Variants in SLC9A1 observed in about 807,000 individuals in gnomAD.
SLC9A1 encodes the protein solute carrier family 9 member A1.
In SLC9A1, 22 loss-of-function variants were observed where a neutral mutation model predicts 67.9. The observed-to-expected ratio is 0.32, with a 90% CI of 0.23 to 0.46. SLC9A1 has a LOEUF of 0.46. SLC9A1 is among the 20% of genes least tolerant of loss of function. SLC9A1 has a pLI of 1.00. For synonymous variants in SLC9A1, 421 were observed against 471.8 expected (o/e 0.89, Z 1.40); for missense variants, 686 against 1,094.8 (o/e 0.63, Z 5.27).
chr1:27,104,855 T>C (rs1250447952), intron 5 of SLC9A1, among the ~76,000 whole-genome samples: 5 of 152,192 alleles, frequency 3.3e-5, no homozygotes, highest in African/African-American at 9.7e-5. Flanking sequence ...GAGTGTTTCT[T>C]ATTTGCCCAA....
At position 27,109,693 on chromosome 1, in the gene SLC9A1, CGAA is replaced by C. The variant is rs760438825; in HGVS notation, c.895_897del (p.Phe299del). On this transcript the variant is annotated inframe_deletion, in exon 3 of 12. Transcript: ENST00000263980. This position sits in a 1 kb window ranked among gnomAD's most constrained non-coding sequence, Gnocchi z 5.5. ...ACAAGCACCCCGCCCAGGGCCACCA[CGAA>C]GAAGCTCAGGAAGCCGAGGAAGATG... The C allele has an allele frequency of 8.7e-6, 14 of 1,614,004 alleles. No homozygotes were observed. Among genetic ancestry groups the C allele is most frequent in the East Asian group, 2.2e-5 (1 of 44,868 alleles).
rs745750939 is a variant in SLC9A1 at position 27,109,591 on chromosome 1, C to T, written c.1000G>A (p.Val334Ile). The T allele has an allele frequency of 2.5e-6, 4 of 1,613,842 alleles. No homozygotes were observed. Among genetic ancestry groups the T allele is most frequent in the Non-Finnish European group, 1.7e-6 (2 of 1,179,996 alleles). ...SHIRVIEPLF[V>I]FLYSYMAYLS... ...TAGGCCATGTAGCTGTAGAGGAAGA[C>T]GAAGAGCGGCTCGATGACCCGGATG... The change falls in exon 3 of 12, where the codon GTC becomes ATC. Residue 334 changes from valine (V) to isoleucine (I), a missense_variant. Transcript: ENST00000263980. This position sits in a 1 kb window ranked among gnomAD's most constrained non-coding sequence, Gnocchi z 5.5.
Position 27,100,454 on chromosome 1 carries a change from C to G in SLC9A1, c.2301G>C (p.Lys767Asn). Residue 767 changes from lysine to asparagine, a missense_variant, in exon 12 of 12, where the codon AAG becomes AAC. Transcript: ENST00000263980. This position sits in a 1 kb window ranked among gnomAD's most constrained non-coding sequence, Gnocchi z 5.6. ...DDDGGIMMRS[K>N]ETSSPGTDDV... ...CGTCGGTTCCTGGGGACGAAGTCTCCTTGCTCCGCATCATGATGCCCCCAT... is the reference window on the plus strand; with the variant it reads ...CGTCGGTTCCTGGGGACGAAGTCTCGTTGCTCCGCATCATGATGCCCCCAT... 6.2e-7 allele frequency: 1 copy of G among 1,613,986 alleles called. No homozygotes were observed. Among genetic ancestry groups the G allele is most frequent in the African/African-American group, 1.3e-5 (1 of 75,052 alleles).
intron 1 of SLC9A1, among the ~76,000 whole-genome samples, chr1:27,120,386 A>G (rs1022661273): frequency 2.7e-5 from 4 of 150,736 alleles, no homozygotes; most frequent in Non-Finnish European, 5.9e-5. Flanking sequence ...TTAGCCTCCC[A>G]AAGTGCTGAG....
intron 1 of SLC9A1, among the ~76,000 whole-genome samples, chr1:27,127,745 C>G (rs530375466): frequency 5.9e-5 from 9 of 152,312 alleles, no homozygotes; most frequent in African/African-American, 2.2e-4. Flanking sequence ...AGTCTCAGCT[C>G]CAGGGACAGC....
At chr1:27,125,237 C>CTTTTTTTTT (rs71010327) in intron 1 of SLC9A1, among the ~76,000 whole-genome samples, 18 of 86,880 alleles carry the variant, frequency 2.1e-4, no homozygotes, top group African/African-American at 5.3e-4. Context: ...CCTTTTCTTT[C>CTTTTTTTTT]TTTTTTTTTT....
At chr1:27,144,381 C>G (rs1007900590) in intron 1 of SLC9A1, among the ~76,000 whole-genome samples, 2 of 152,210 alleles carry the variant, frequency 1.3e-5, no homozygotes, top group Non-Finnish European at 2.9e-5. Flanking sequence ...AGACCCCACC[C>G]GGCCCAGAGA....
chr1:27,126,179 C>T (rs951241597), intron 1 of SLC9A1, among the ~76,000 whole-genome samples: 3 of 152,136 alleles, frequency 2.0e-5, no homozygotes, highest in African/African-American at 7.2e-5. Context: ...CCTCTCTATC[C>T]GCTTACCCTT....
Position 27,103,278 on chromosome 1 carries a change from G to A in SLC9A1, c.1520C>T (p.Ala507Val). 1 of 1,613,912 alleles carries A rather than the reference G, an allele frequency of 6.2e-7. No individual in the cohort carries two copies. The highest frequency in any genetic ancestry group is 8.5e-7 in the Non-Finnish European group (1 of 1,179,912). Residue 507 changes from alanine (A) to valine (V), a missense_variant, in exon 6 of 12, where the codon GCT becomes GTT. This residue lies in a region of SLC9A1 where 168 missense variants were observed against 375.4 expected (regional missense o/e 0.45). Transcript: ENST00000263980. ...CTTCGTCTCTTGCTTTTTCTTCACA[G>A]CCAACAGGTCTACCAGGGGCCGAAT... ...MTIRPLVDLL[A>V]VKKKQETKRS...
chr1:27,108,524 A>T (rs2083205830), intron 3 of SLC9A1, among the ~76,000 whole-genome samples: 1 of 152,146 alleles, frequency 6.6e-6, no homozygotes, highest in Non-Finnish European at 1.5e-5. Context: ...CTAAAAATAC[A>T]AAAATTAGCC....
At chr1:27,130,990 G>C (rs1373814525) in intron 1 of SLC9A1, among the ~76,000 whole-genome samples, 1 of 152,242 alleles carries the variant, frequency 6.6e-6, no homozygotes, top group East Asian at 1.9e-4. Flanking sequence ...CCATGCCCAG[G>C]AAGGAGATAA....
chr1:27,131,741 G>A (rs1197392920), intron 1 of SLC9A1, among the ~76,000 whole-genome samples: 3 of 114,610 alleles, frequency 2.6e-5, no homozygotes, highest in African/African-American at 1.0e-4. Context: ...ATGAGACTCT[G>A]TCTCAAAAAA....
chr1:27,109,802 G>A lies in SLC9A1; in HGVS notation c.814-25C>T, dbSNP rs749001727. On this transcript the variant is annotated intron_variant, in intron 2 of 11. Coordinates refer to ENST00000263980, the MANE Select transcript of SLC9A1 (RefSeq NM_003047.5). This position sits in a 1 kb window ranked among gnomAD's most constrained non-coding sequence, Gnocchi z 5.5. ...CCTGGGGAGGGTGTGCAGGCTGGTGGGTGGGAGGAGAGGGCCCTGGCCCCA... is the reference window on the plus strand; with the variant it reads ...CCTGGGGAGGGTGTGCAGGCTGGTGAGTGGGAGGAGAGGGCCCTGGCCCCA... 20 of 1,611,956 alleles carry A rather than the reference G, an allele frequency of 1.2e-5. No homozygotes were observed. The highest frequency in any genetic ancestry group is 1.7e-5 in the Non-Finnish European group (20 of 1,179,222).
In SLC9A1 at chr1:27,106,723, C is replaced by T. The variant is rs1199840851; in HGVS notation, c.1283-636G>A. Among the ~76,000 whole-genome samples, 1 of 152,036 alleles carries T rather than the reference C, an allele frequency of 6.6e-6. No homozygotes were observed. The highest frequency in any genetic ancestry group is 1.5e-5 in the Non-Finnish European group (1 of 67,986). ...CCATGCACCTGGGGCCTGGTCCCCA[C>T]GTGTGCCCCGGCCTGCTGCATAGGT... On this transcript the variant is annotated intron_variant, in intron 4 of 11. Transcript: ENST00000263980. This position sits in a 1 kb window ranked among gnomAD's most constrained non-coding sequence, Gnocchi z 4.3.
intron 1 of SLC9A1, among the ~76,000 whole-genome samples, chr1:27,131,307 T>C (rs2083382545): frequency 6.6e-6 from 1 of 151,980 alleles, no homozygotes; most frequent in Non-Finnish European, 1.5e-5. Context: ...ATAATAATGA[T>C]AGTGGCTGGG....
chr1:27,111,529 C>A (rs1217815630), intron 2 of SLC9A1, among the ~76,000 whole-genome samples: 1 of 152,196 alleles, frequency 6.6e-6, no homozygotes, highest in African/African-American at 2.4e-5. Context: ...GACACAGTGG[C>A]TCACGCCTGT....
At chr1:27,117,612 G>T (rs2083279989) in intron 1 of SLC9A1, among the ~76,000 whole-genome samples, 1 of 152,198 alleles carries the variant, frequency 6.6e-6, no homozygotes, top group East Asian at 1.9e-4. Flanking sequence ...GCAACATGAA[G>T]ACGGCTCCTC....
intron 2 of SLC9A1, 85 bp downstream of exon 2, chr1:27,113,741 T>C (rs1167993128): frequency 3.0e-6 from 3 of 1,008,964 alleles, no homozygotes; most frequent in Non-Finnish European, 4.5e-6. Context: ...ATTACTGTTA[T>C]TAGCGGGTGG....
chr1:27,148,533 C>G (rs371019932), intron 1 of SLC9A1, among the ~76,000 whole-genome samples: 63 of 152,060 alleles, frequency 4.1e-4, no homozygotes, highest in African/African-American at 1.4e-3. Context: ...GAGAGTTTGG[C>G]CTTGAGTGAT....
Sources: gnomAD v4.1 joint callset for allele counts (sites outside exome capture counted in the v4.1 genomes callset) on GRCh38, gnomAD v4.1.1 for gene constraint, gnomAD v4.1.1 regional missense constraint, Gnocchi (gnomAD v3.1) non-coding constraint, MANE v1.5 for transcripts, NCBI Gene and HGNC (gene_info 2026-07-23, HGNC 2026-07-21) for gene names.